The following DMD variants were observed in gnomAD, a reference collection of about 807,000 sequenced individuals.
DMD encodes dystrophin, also known as mutant dystrophin.
A neutral mutation model predicts 330.1 loss-of-function variants in DMD; 63 were observed. The observed-to-expected ratio is 0.19, with a 90% CI of 0.16 to 0.24. The LOEUF is 0.24. DMD is among the 10% of genes least tolerant of loss of function. The pLI, the probability that DMD is intolerant of heterozygous loss-of-function variation, is 1.00. For missense variants in DMD, 3,344 were observed against 2,684.1 expected (o/e 1.25, Z -5.43); for synonymous variants, 1,223 against 959.8 (o/e 1.27, Z -5.07).
At chrX:32,938,344 G>A (rs2090161080) in intron 2 of DMD, among the ~76,000 whole-genome samples, 1 of 111,739 alleles carries the variant, frequency 8.9e-6, no homozygotes. Context: ...TGATAGTCCA[G>A]ATTACTTGCA....
chrX:32,621,748 A>T (rs1209453135), intron 11 of DMD, among the ~76,000 whole-genome samples: 1 of 111,008 alleles, frequency 9.0e-6, no homozygotes, highest in Admixed American at 9.6e-5. Flanking sequence ...GTACAGTCAC[A>T]TCAATGTCTC....
At chrX:32,665,670 T>C (rs1224287598) in intron 9 of DMD, among the ~76,000 whole-genome samples, 1 of 111,677 alleles carries the variant, frequency 9.0e-6, no homozygotes, top group Admixed American at 9.5e-5. Flanking sequence ...TGTGCTCTCA[T>C]AAGAACACGT....
chrX:33,023,292 T>C (rs1409089147), intron 1 of DMD, among the ~76,000 whole-genome samples: 3 of 112,084 alleles, frequency 2.7e-5, no homozygotes, highest in Non-Finnish European at 5.7e-5. Flanking sequence ...ACAATAAACA[T>C]GCTCATGCAC....
intron 50 of DMD, among the ~76,000 whole-genome samples, chrX:31,805,813 A>C (rs2092272816): frequency 8.9e-6 from 1 of 112,379 alleles, no homozygotes; most frequent in South Asian, 3.7e-4. Context: ...CCCTGGAGGA[A>C]GCCTTAAGAA....
chrX:31,261,173 T>C (rs2050474358), intron 62 of DMD, 157 bp from the exon 63 acceptor site: 1 of 471,227 alleles, frequency 2.1e-6, no homozygotes, highest in South Asian at 3.2e-5. Flanking sequence ...GAAGAAATGT[T>C]TATCTTACAA....
intron 22 of DMD, among the ~76,000 whole-genome samples, chrX:32,470,577 C>A (rs978144841): frequency 1.3e-4 from 14 of 110,849 alleles, no homozygotes; most frequent in Admixed American, 3.9e-4. Flanking sequence ...GTGTTTTCTC[C>A]ACTCTTATTC....
At chrX:31,990,027 A>C (rs978353848) in intron 44 of DMD, among the ~76,000 whole-genome samples, 4 of 111,859 alleles carry the variant, frequency 3.6e-5, no homozygotes, top group African/African-American at 6.5e-5. Context: ...GGGAACATTC[A>C]TAGAAAAAAC....
chrX:31,856,810 G>A (rs959002522), intron 48 of DMD, among the ~76,000 whole-genome samples: 35 of 111,824 alleles, frequency 3.1e-4, no homozygotes, highest in African/African-American at 1.1e-3. Flanking sequence ...ACCAGAAGAC[G>A]TATTGTAATA....
chrX:32,534,210 G>C (rs767333519), intron 17 of DMD, among the ~76,000 whole-genome samples: 6 of 111,949 alleles, frequency 5.4e-5, no homozygotes, highest in Non-Finnish European at 7.5e-5. Context: ...ATCAGTTCCT[G>C]GTGACAGCCT....
At chrX:32,912,995 A>C (rs1601880861) in intron 2 of DMD, among the ~76,000 whole-genome samples, 2 of 112,376 alleles carry the variant, frequency 1.8e-5, no homozygotes, top group African/African-American at 6.5e-5. Flanking sequence ...CCTAAAAGAA[A>C]TTAAGTTTAT....
At chrX:31,434,418 G>GCACA (rs10572572) in intron 60 of DMD, among the ~76,000 whole-genome samples, 1,386 of 77,984 alleles carry the variant, frequency 0.018, 21 homozygotes, top group Admixed American at 0.033. Context: ...CAGCGCGCGC[G>GCACA]CACACACACA....
intron 7 of DMD, among the ~76,000 whole-genome samples, chrX:32,732,721 T>C (rs1426105418): frequency 1.8e-5 from 2 of 110,628 alleles, no homozygotes; most frequent in Non-Finnish European, 3.8e-5. Context: ...CTGAGAGATT[T>C]TGTCACCACC....
intron 67 of DMD, among the ~76,000 whole-genome samples, chrX:31,183,530 C>T (rs1372262216): frequency 9.0e-6 from 1 of 111,594 alleles, no homozygotes; most frequent in East Asian, 2.8e-4. Flanking sequence ...CTCTCTATTT[C>T]TCTCTCTTTC....
chrX:32,135,145 A>T (rs1473627300), intron 44 of DMD, among the ~76,000 whole-genome samples: 1 of 112,087 alleles, frequency 8.9e-6, no homozygotes, highest in Non-Finnish European at 1.9e-5. Flanking sequence ...ATTTCCCCAA[A>T]CTAAAAGGTA....
Position 32,349,923 on chromosome X carries a change from G to A in DMD, c.5326-1395C>T, listed in dbSNP as rs770737559. ...CAATGTCTGTATTATTAGCAATTAC[G>A]GTACAATAAAATCATACACTGTTTA... On this transcript the variant is annotated intron_variant, in intron 37 of 78. Coordinates refer to ENST00000357033, the MANE Select transcript of DMD (RefSeq NM_004006.3). Among the ~76,000 whole-genome samples, 8 of 110,578 alleles carry A rather than the reference G, an allele frequency of 7.2e-5. No individual in the cohort carries two copies. The East Asian group carries it at 2.3e-3, about 31-fold the overall frequency.
intron 60 of DMD, among the ~76,000 whole-genome samples, chrX:31,427,472 C>T (rs1024852488): frequency 9.0e-6 from 1 of 111,344 alleles, no homozygotes; most frequent in African/African-American, 3.3e-5. Flanking sequence ...CATCTTTGTC[C>T]CTCCTATTGG....
chrX:33,304,376 A>G (rs1051170909), intron 1 of DMD, among the ~76,000 whole-genome samples: 1 of 111,604 alleles, frequency 9.0e-6, no homozygotes, highest in Non-Finnish European at 1.9e-5. Flanking sequence ...GAGAAAGCTG[A>G]AACTGGATCC....
chrX:31,466,536 C>T (rs755437339), intron 59 of DMD, among the ~76,000 whole-genome samples: 1 of 111,614 alleles, frequency 9.0e-6, no homozygotes, highest in South Asian at 3.8e-4. Context: ...TGTTTTGGTA[C>T]CAATACCATA....
intron 51 of DMD, among the ~76,000 whole-genome samples, chrX:31,747,960 G>A (rs1296830835): frequency 1.8e-5 from 2 of 111,969 alleles, no homozygotes; most frequent in African/African-American, 6.5e-5. Context: ...TGTTTTATTT[G>A]TATAAGGTGA....
Sources: gnomAD v4.1 joint callset for allele counts (sites outside exome capture counted in the v4.1 genomes callset) on GRCh38, gnomAD v4.1.1 for gene constraint, MANE v1.5 for transcripts, NCBI Gene and HGNC (gene_info 2026-07-23, HGNC 2026-07-21) for gene names.